CNTNAP4: variants seen among roughly 807,000 people sequenced by gnomAD.
CNTNAP4 encodes the protein contactin associated protein family member 4, also known as contactin-associated protein-like 4.
CNTNAP4 carries 98 observed loss-of-function variants against 148.4 expected under a neutral mutation model. The observed-to-expected ratio is 0.66, with a 90% confidence interval of 0.56 to 0.78. The LOEUF is 0.78. CNTNAP4 is among the 30% of genes least tolerant of loss of function. The probability of loss-of-function intolerance (pLI) is 0.00; values close to 1 mark genes in which losing one functional copy is unlikely to be tolerated. For missense variants in CNTNAP4, 1,935 were observed against 1,565.6 expected, an observed-to-expected ratio of 1.24 and a Z score of -3.98; for synonymous variants, 730 against 565.1, an observed-to-expected ratio of 1.29 and a Z score of -4.14.
chr16:76,523,108 C>T (rs1466128715), intron 17 of CNTNAP4, among the ~76,000 whole-genome samples: 2 of 151,842 alleles, frequency 1.3e-5, no homozygotes, highest in Non-Finnish European at 2.9e-5. Flanking sequence ...TTGGTTTCAG[C>T]TTATTTATTT....
chr16:76,476,553 C>G (rs2081589192), intron 11 of CNTNAP4, among the ~76,000 whole-genome samples: 1 of 152,182 alleles, frequency 6.6e-6, no homozygotes, highest in South Asian at 2.1e-4. Flanking sequence ...GCCTAGGTGA[C>G]TTACAAACTG....
At chr16:76,302,719 T>C (rs1960104665) in intron 1 of CNTNAP4, among the ~76,000 whole-genome samples, 1 of 152,164 alleles carries the variant, frequency 6.6e-6, no homozygotes, top group Non-Finnish European at 1.5e-5. Flanking sequence ...CCCGTCATAT[T>C]CACAAATTCT....
Position 76,489,724 on chromosome 16 carries a change from T to C in CNTNAP4, c.1921T>C (p.Leu641=), listed in dbSNP as rs1464331761. ...CATCATACAGCACAACGGCTCTGAC[T>C]TAACAAGAGTCAGAAATACTAATCC... ...WTIIQHNGSD[L]TRVRNTNPEN... The change falls in exon 13 of 24, where the codon TTA becomes CTA. Residue 641 remains leucine, a synonymous_variant. Transcript: ENST00000611870. 1 of 1,605,300 alleles carries C rather than the reference T, an allele frequency of 6.2e-7. No homozygotes were observed. The highest frequency in any genetic ancestry group is 2.2e-5 in the East Asian group (1 of 44,696).
chr16:76,373,600 A>T (rs2144647346), intron 3 of CNTNAP4, among the ~76,000 whole-genome samples: 1 of 152,262 alleles, frequency 6.6e-6, no homozygotes, highest in South Asian at 2.1e-4. Context: ...GTATGAAAGG[A>T]GGAAACTGGA....
At chr16:76,434,064 A>G (rs1290578426) in intron 4 of CNTNAP4, among the ~76,000 whole-genome samples, 1 of 150,218 alleles carries the variant, frequency 6.7e-6, no homozygotes, top group Admixed American at 6.7e-5. Flanking sequence ...ACATATATAG[A>G]AATTTATATA....
chr16:76,321,326 C>T (rs1962384602), intron 2 of CNTNAP4, among the ~76,000 whole-genome samples: 1 of 152,074 alleles, frequency 6.6e-6, no homozygotes, highest in South Asian at 2.1e-4. Flanking sequence ...ATTTTGACTG[C>T]CCTAAATTGT....
At chr16:76,328,077 A>G (rs1963169980) in intron 2 of CNTNAP4, among the ~76,000 whole-genome samples, 1 of 152,206 alleles carries the variant, frequency 6.6e-6, no homozygotes, top group Non-Finnish European at 1.5e-5. Context: ...TAATTTATAT[A>G]GATTTTCTCC....
In CNTNAP4 at chr16:76,509,337, A is replaced by G. The variant is rs2082933361; in HGVS notation, c.2365+10643A>G. On this transcript the variant is annotated intron_variant, in intron 15 of 23. Transcript: ENST00000611870. ...ATCCTTCCTCCAAATGTGACGACCA[A>G]AAATGTCTCCAAACATTGCCAAATG... Among the ~76,000 whole-genome samples the G allele has an allele frequency of 2.1e-5, 2 of 96,886 alleles. 1 individual carries two copies. Among genetic ancestry groups the G allele is most frequent in the Non-Finnish European group, 5.9e-5 (2 of 34,158 alleles). The allele number at this position is 96,886 out of a possible 152,430, so 63.6% of individuals were successfully genotyped here.
rs2082147895 is a variant in CNTNAP4, at chr16:76,489,811, A to G, written c.2008A>G (p.Ile670Val). The G allele has an allele frequency of 1.9e-6, 3 of 1,607,378 alleles. No homozygotes were observed. The highest frequency in any genetic ancestry group is 2.5e-6 in the Non-Finnish European group (3 of 1,176,634). ...CAGCATGGAGCAACTTCAGGCCACT[A>G]TTAACCGTGCAGAGCACTGTGAACA... Reference protein sequence around the residue: ...VASMEQLQATINRAEHCEQEF... With the variant: ...VASMEQLQATVNRAEHCEQEF... The change falls in exon 13 of 24, where the codon ATT (isoleucine) becomes GTT (valine). Residue 670 changes from isoleucine to valine, a missense_variant. Ile to Val is a conservative substitution (Grantham distance 29). Transcript: ENST00000611870.
chr16:76,377,078 C>T (rs1163247215), intron 3 of CNTNAP4, among the ~76,000 whole-genome samples: 1 of 152,040 alleles, frequency 6.6e-6, no homozygotes, highest in African/African-American at 2.4e-5. Flanking sequence ...GCTTAGGACT[C>T]AGGGCAGAGT....
At chr16:76,525,198 A>AT (rs968130076) in intron 17 of CNTNAP4, among the ~76,000 whole-genome samples, 14 of 149,684 alleles carry the variant, frequency 9.4e-5, no homozygotes, top group South Asian at 2.1e-4. Context: ...AACTGGAGAT[A>AT]TTTTTTTTTT....
chr16:76,357,142 G>C (rs905159111), intron 3 of CNTNAP4, among the ~76,000 whole-genome samples: 4 of 151,546 alleles, frequency 2.6e-5, no homozygotes, highest in Non-Finnish European at 5.9e-5. Context: ...ACTCAAACTA[G>C]GGATAAAATA....
Position 76,448,194 on chromosome 16 carries a change from C to G in CNTNAP4, c.721C>G (p.Leu241Val), listed in dbSNP as rs1385841165. Residue 241 changes from leucine (L) to valine (V), a missense_variant, in exon 5 of 24, where the codon CTC (leucine) becomes GTC (valine). Leu to Val is a conservative substitution (Grantham distance 32, BLOSUM62 1). Coordinates refer to ENST00000611870, the MANE Select transcript of CNTNAP4 (RefSeq NM_033401.5). ...HITLQLRRAR[L>V]FLLINSGEAK... ...CACACTGCAATTAAGAAGAGCAAGA[C>G]TCTTTTTACTTATTAATTCAGGTAA... 2.5e-6 allele frequency: 4 copies of G among 1,611,246 alleles called. No individual in the cohort carries two copies. Among genetic ancestry groups the G allele is most frequent in the Admixed American group, 1.7e-5 (1 of 59,634 alleles).
chr16:76,510,199 T>C (rs1255276848), intron 15 of CNTNAP4, among the ~76,000 whole-genome samples: 1 of 151,788 alleles, frequency 6.6e-6, no homozygotes. Context: ...TTTTTTTTTC[T>C]ACAGACTTGC....
intron 3 of CNTNAP4, among the ~76,000 whole-genome samples, chr16:76,403,990 T>C (rs2078510523): frequency 6.6e-6 from 1 of 152,110 alleles, no homozygotes; most frequent in Non-Finnish European, 1.5e-5. Context: ...GGAAGCTAAA[T>C]GATGAGAACT....
chr16:76,277,647 C>G lies in CNTNAP4; in HGVS notation c.-16C>G. ...AGCCTCTCAAGATCTTTTGGGGGAG[C>G]CCAATAAATGTGAACATGGGATCTG... is the stretch of plus-strand genomic sequence containing the variant. On this transcript the variant is annotated 5_prime_UTR_variant, in exon 1 of 24. Transcript: ENST00000611870. 6.3e-7 allele frequency: 1 copy of G among 1,576,870 alleles called. No homozygotes were observed. Among genetic ancestry groups the G allele is most frequent in the African/African-American group, 1.3e-5 (1 of 74,370 alleles).
intron 3 of CNTNAP4, among the ~76,000 whole-genome samples, chr16:76,421,876 T>C (rs565231154): frequency 1.9e-3 from 286 of 152,278 alleles, no homozygotes; most frequent in Non-Finnish European, 3.2e-3. Flanking sequence ...TTCTATATAA[T>C]TGCAGAGTCT....
At chr16:76,344,414 C>T (rs1003938250) in intron 2 of CNTNAP4, among the ~76,000 whole-genome samples, 2 of 152,026 alleles carry the variant, frequency 1.3e-5, no homozygotes, top group African/African-American at 2.4e-5. Context: ...ATCCACATAC[C>T]GTTTTATAAA....
chr16:76,470,376 C>T (rs958959281), intron 10 of CNTNAP4, among the ~76,000 whole-genome samples: 7 of 150,940 alleles, frequency 4.6e-5, no homozygotes, highest in African/African-American at 9.9e-5. Flanking sequence ...CACGGTGACT[C>T]ACACCTGTAA....
Sources: gnomAD v4.1 joint callset for allele counts (sites outside exome capture counted in the v4.1 genomes callset) on GRCh38, gnomAD v4.1.1 for gene constraint, MANE v1.5 for transcripts, NCBI Gene and HGNC (gene_info 2026-07-23, HGNC 2026-07-21) for gene names.